MGMT: variants seen among roughly 807,000 people sequenced by gnomAD.
MGMT encodes the protein methylated-DNA--protein-cysteine methyltransferase.
Under a neutral mutation model 15.9 loss-of-function variants are expected in MGMT, and 14 were observed. The observed-to-expected ratio is 0.88, with a 90% CI of 0.58 to 1.37. MGMT has a LOEUF of 1.37. Among genes scored for constraint, MGMT ranks in the 40% most tolerant of loss-of-function variants. The probability of loss-of-function intolerance (pLI) is 0.00; values close to 1 mark genes in which losing one functional copy is unlikely to be tolerated. For synonymous variants in MGMT, 130 were observed against 118.2 expected (o/e 1.10, Z -0.65); for missense variants, 282 against 268.1 (o/e 1.05, Z -0.36).
chr10:129,626,661 T>G (rs1847153395), intron 2 of MGMT, among the ~76,000 whole-genome samples: 1 of 152,172 alleles, frequency 6.6e-6, no homozygotes, highest in Non-Finnish European at 1.5e-5. Flanking sequence ...AAATCTATGT[T>G]GGAGACGACA....
intron 3 of MGMT, among the ~76,000 whole-genome samples, chr10:129,744,736 G>A (rs1025159520): frequency 6.6e-6 from 1 of 152,228 alleles, no homozygotes; most frequent in Non-Finnish European, 1.5e-5. Context: ...GACCACAGGA[G>A]CTCCTGGCCC....
At chr10:129,514,654 G>C (rs1017763009) in intron 1 of MGMT, among the ~76,000 whole-genome samples, 5 of 109,844 alleles carry the variant, frequency 4.6e-5, no homozygotes, top group Non-Finnish European at 8.8e-5. Flanking sequence ...TGGGGCCTTT[G>C]GGGGGAGATT....
intron 2 of MGMT, among the ~76,000 whole-genome samples, chr10:129,571,309 C>G (rs551190411): frequency 6.6e-6 from 1 of 152,122 alleles, no homozygotes; most frequent in Non-Finnish European, 1.5e-5. Flanking sequence ...AATAAACACC[C>G]CTAAGTCTAA....
chr10:129,683,744 C>G (rs755039940), intron 2 of MGMT, among the ~76,000 whole-genome samples: 5 of 152,180 alleles, frequency 3.3e-5, no homozygotes, highest in African/African-American at 4.8e-5. Context: ...AAGGAACTTT[C>G]CCTGGAACCC....
At chr10:129,657,034 G>A (rs963387752) in intron 2 of MGMT, among the ~76,000 whole-genome samples, 3 of 152,138 alleles carry the variant, frequency 2.0e-5, no homozygotes, top group African/African-American at 7.2e-5. Flanking sequence ...CTGTGAGTTA[G>A]GTGAGCTCTA....
chr10:129,701,815 C>G (rs1848102410), intron 2 of MGMT: 1 of 152,210 alleles, frequency 6.6e-6, no homozygotes, highest in African/African-American at 2.4e-5. Flanking sequence ...TTAAATTTCT[C>G]TCATCACCCC....
At chr10:129,733,275 T>G (rs922097846) in intron 3 of MGMT, among the ~76,000 whole-genome samples, 1 of 151,028 alleles carries the variant, frequency 6.6e-6, no homozygotes, top group Non-Finnish European at 1.5e-5. Context: ...CGGTATCTCA[T>G]TGTGGTTTGG....
intron 1 of MGMT, among the ~76,000 whole-genome samples, chr10:129,510,163 G>C (rs1416398244): frequency 6.6e-6 from 1 of 152,222 alleles, no homozygotes; most frequent in Non-Finnish European, 1.5e-5. Flanking sequence ...CTAAGGAAAG[G>C]AAATGTTCAT....
chr10:129,742,042 G>T (rs922589642), intron 3 of MGMT, among the ~76,000 whole-genome samples: 7 of 152,324 alleles, frequency 4.6e-5, no homozygotes, highest in Middle Eastern at 3.4e-3. Context: ...AATGATTGGG[G>T]AAGTAGAAAT....
intron 3 of MGMT, among the ~76,000 whole-genome samples, chr10:129,732,664 G>A (rs1467347319): frequency 6.1e-5 from 9 of 146,558 alleles, no homozygotes; most frequent in Non-Finnish European, 1.0e-4. Context: ...CCACTAACTC[G>A]TCATCTAGCA....
At chr10:129,521,131 G>A (rs1262032313) in intron 1 of MGMT, among the ~76,000 whole-genome samples, 3 of 152,186 alleles carry the variant, frequency 2.0e-5, no homozygotes, top group Non-Finnish European at 2.9e-5. Flanking sequence ...GATCTCAGGT[G>A]GGGATGGAGA....
chr10:129,643,504 G>A (rs764490269), intron 2 of MGMT, among the ~76,000 whole-genome samples: 1 of 152,128 alleles, frequency 6.6e-6, no homozygotes, highest in Non-Finnish European at 1.5e-5. Context: ...AGACGTGGAC[G>A]GCAGCAGAGC....
intron 1 of MGMT, among the ~76,000 whole-genome samples, chr10:129,468,521 C>T (rs1316396925): frequency 6.6e-6 from 1 of 151,770 alleles, no homozygotes. Flanking sequence ...CAGTCAGGGG[C>T]CTGGATGAAG....
chr10:129,756,731 G>A (rs1848811680), intron 3 of MGMT, among the ~76,000 whole-genome samples: 2 of 152,324 alleles, frequency 1.3e-5, no homozygotes, highest in African/African-American at 2.4e-5. Flanking sequence ...GCCTCCCAAA[G>A]TGCTGGGATT....
At chr10:129,689,657 A>G (rs915661657) in intron 2 of MGMT, among the ~76,000 whole-genome samples, 4 of 152,210 alleles carry the variant, frequency 2.6e-5, no homozygotes, top group Non-Finnish European at 5.9e-5. Flanking sequence ...GCCAGCTCTT[A>G]TAAAAATATT....
chr10:129,717,692 A>T (rs1848315789), intron 3 of MGMT: 1 of 152,118 alleles, frequency 6.6e-6, no homozygotes, highest in East Asian at 1.9e-4. Flanking sequence ...AGACCCACAC[A>T]TGGCTGGCCG....
At chr10:129,700,822 A>G (rs1408408875) in intron 2 of MGMT, 1 of 152,232 alleles carries the variant, frequency 6.6e-6, no homozygotes, top group East Asian at 1.9e-4. Context: ...GGACAAATCC[A>G]TCAAACACAA....
intron 3 of MGMT, among the ~76,000 whole-genome samples, chr10:129,715,346 A>G (rs1016563916): frequency 1.3e-5 from 2 of 152,242 alleles, no homozygotes; most frequent in African/African-American, 4.8e-5. Flanking sequence ...GGACTTCTCA[A>G]AAAGTAGAAG....
At chr10:129,500,106 T>C (rs1310915604) in intron 1 of MGMT, among the ~76,000 whole-genome samples, 3 of 152,232 alleles carry the variant, frequency 2.0e-5, no homozygotes, top group South Asian at 4.1e-4. Flanking sequence ...AACTTTTGAA[T>C]ATGGACTCAC....
Sources: gnomAD v4.1 joint callset for allele counts (sites outside exome capture counted in the v4.1 genomes callset) on GRCh38, gnomAD v4.1.1 for gene constraint, MANE v1.5 for transcripts, NCBI Gene and HGNC (gene_info 2026-07-23, HGNC 2026-07-21) for gene names.